DRP2: variants seen among roughly 807,000 people sequenced by gnomAD.
DRP2 encodes dystrophin-related protein 2.
DRP2 carries 29 observed loss-of-function variants against 78.2 expected under a neutral mutation model. The observed-to-expected ratio is 0.37, with a 90% CI of 0.28 to 0.51. The LOEUF is 0.51. Among genes scored for constraint, DRP2 ranks in the 20% least tolerant of loss-of-function variants. The probability of loss-of-function intolerance (pLI) is 0.94; values close to 1 mark genes in which losing one functional copy is unlikely to be tolerated. For synonymous variants in DRP2, 290 were observed against 281.9 expected, an observed-to-expected ratio of 1.03 and a Z score of -0.29; for missense variants, 686 against 770.6, an observed-to-expected ratio of 0.89 and a Z score of 1.30.
In DRP2 at chrX:101,254,356, A is replaced by G. The variant is rs1679866377; in HGVS notation, c.1978-69A>G. ...CCCAGCAGGCTGTCTGCTCTAGCAGAGCAGCCACACCTGCCCAGTATATCT... is the reference window on the plus strand; with the variant it reads ...CCCAGCAGGCTGTCTGCTCTAGCAGGGCAGCCACACCTGCCCAGTATATCT... On this transcript the variant is annotated intron_variant, in intron 17 of 23. Transcript: ENST00000395209. 4 of 1,169,106 alleles carry G rather than the reference A, an allele frequency of 3.4e-6. No homozygotes were observed. The South Asian group carries it at 5.7e-5, about 17-fold the overall frequency.
In DRP2 at chrX:101,245,097, A is replaced by C. The variant is rs749562222; in HGVS notation, c.1115+20A>C. ...CATCAAGTGAGTGACCATCTGAATC[A>C]GAAGCGGGTCAGTCACCTGCCCACC... On this transcript the variant is annotated intron_variant, in intron 10 of 23. Coordinates refer to ENST00000395209, the MANE Select transcript of DRP2 (RefSeq NM_001939.3). The C allele has an allele frequency of 5.8e-6, 7 of 1,199,604 alleles. No homozygotes were observed. Among genetic ancestry groups the C allele is most frequent in the Non-Finnish European group, 7.9e-6 (7 of 887,014 alleles).
At chrX:101,245,323 C>A in intron 10 of DRP2, 65 bp from the exon 11 acceptor site, 1 of 1,059,730 alleles carries the variant, frequency 9.4e-7, no homozygotes, top group Non-Finnish European at 1.3e-6. Flanking sequence ...GAGTGGTGTG[C>A]ACATCTGAGT....
intron 1 of DRP2, among the ~76,000 whole-genome samples, chrX:101,224,191 GTTTTTTTTTTTTT>G (rs1167730116): frequency 1.0e-4 from 4 of 38,868 alleles, no homozygotes; most frequent in Non-Finnish European, 1.6e-4. Flanking sequence ...GGTTTTTTTT[GTTTTTTTTTTTTT>G]TTTTTTTTTT....
rs772405952 is a variant in DRP2 at position 101,235,898 on chromosome X, T to C, written c.156T>C (p.Asp52=). The change falls in exon 4 of 24, where the codon GAT becomes GAC. Residue 52 remains aspartate (D), a synonymous_variant. Transcript: ENST00000395209. ...AAVTSPAPPQ[D]GAGVPCLSLK... ...TCACCAGCCCTGCACCTCCTCAAGA[T>C]GGTGCTGGGGTTCCCTGCCTAAGCC... 6.6e-6 allele frequency: 8 copies of C among 1,209,798 alleles called. No homozygotes were observed. The Admixed American group carries it at 1.1e-4, about 16-fold the overall frequency.
chrX:101,234,539 C>T (rs1922418531), intron 3 of DRP2, among the ~76,000 whole-genome samples: 1 of 112,839 alleles, frequency 8.9e-6, no homozygotes, highest in African/African-American at 3.2e-5. Context: ...CCTGGCTCAG[C>T]CCCTCCTGCC....
chrX:101,250,863 G>A, intron 15 of DRP2, 54 bp from the exon 16 acceptor site: 2 of 1,185,209 alleles, frequency 1.7e-6, no homozygotes, highest in Middle Eastern at 2.5e-4. Context: ...TGCCATTCTA[G>A]GGATAAGACA....
intron 1 of DRP2, among the ~76,000 whole-genome samples, chrX:101,224,220 T>TTTTC (rs1569507531): frequency 1.2e-5 from 1 of 83,995 alleles, no homozygotes; most frequent in African/African-American, 4.6e-5. Context: ...TTTTTTTTTT[T>TTTTC]TGAGATGGAG....
chrX:101,256,546 T>G (rs1031931463), intron 21 of DRP2, among the ~76,000 whole-genome samples: 8 of 75,566 alleles, frequency 1.1e-4, no homozygotes, highest in African/African-American at 3.1e-4. Flanking sequence ...ATTTGAAAAC[T>G]TTTAAATTTT....
chrX:101,223,030 G>A (rs778358842), intron 1 of DRP2, among the ~76,000 whole-genome samples: 10 of 110,960 alleles, frequency 9.0e-5, no homozygotes, highest in Non-Finnish European at 1.1e-4. Flanking sequence ...TTTTCTCCCC[G>A]CCAAGAGACG....
At chrX:101,250,749 C>A (rs778765283) in intron 15 of DRP2, among the ~76,000 whole-genome samples, 168 bp from the exon 16 acceptor site, 1 of 111,644 alleles carries the variant, frequency 9.0e-6, no homozygotes, top group Non-Finnish European at 1.9e-5. Context: ...GAATCATAGT[C>A]CTGTTAGGGA....
intron 17 of DRP2, 96 bp downstream of exon 17, chrX:101,252,812 TC>T: frequency 1.6e-6 from 1 of 640,995 alleles, no homozygotes; most frequent in Admixed American, 3.3e-5. Context: ...TTTTCTGCTC[TC>T]CCGTGGGGAG....
At chrX:101,247,605 G>A (rs1922975809) in intron 12 of DRP2, among the ~76,000 whole-genome samples, 1 of 111,649 alleles carries the variant, frequency 9.0e-6, no homozygotes, top group Non-Finnish European at 1.9e-5. Flanking sequence ...TCCTGGCTCA[G>A]GCATGTCTGG....
intron 3 of DRP2, among the ~76,000 whole-genome samples, chrX:101,235,121 C>A (rs993039410): frequency 4.5e-5 from 5 of 111,565 alleles, no homozygotes; most frequent in Non-Finnish European, 9.4e-5. Flanking sequence ...CAATTACCCC[C>A]ATAGGGCCTT....
chrX:101,260,033 C>T lies in DRP2; in HGVS notation c.2629-16C>T. Reference sequence around the variant, plus strand: ...GGAAGGCAAATCCACTTAAGTCATGCCTTACCTCTTGCTAGCCACCCACCG... The same window carrying T: ...GGAAGGCAAATCCACTTAAGTCATGTCTTACCTCTTGCTAGCCACCCACCG... On this transcript the variant is annotated splice_polypyrimidine_tract_variant and intron_variant, in intron 22 of 23. Transcript: ENST00000395209. The T allele has an allele frequency of 8.3e-7, 1 of 1,210,810 alleles. No individual in the cohort carries two copies. The highest frequency in any genetic ancestry group is 1.1e-6 in the Non-Finnish European group (1 of 895,076).
intron 5 of DRP2, among the ~76,000 whole-genome samples, chrX:101,238,654 A>G (rs765351676): frequency 1.8e-5 from 2 of 111,706 alleles, no homozygotes; most frequent in South Asian, 3.8e-4. Context: ...TAATTTTAAT[A>G]TAAATCCTGC....
At chrX:101,244,452 G>A (rs1305515293) in intron 9 of DRP2, among the ~76,000 whole-genome samples, 1 of 111,826 alleles carries the variant, frequency 8.9e-6, no homozygotes, top group Non-Finnish European at 1.9e-5. Context: ...GAGGAAAACT[G>A]CAGTGAGCAA....
Position 101,248,057 on chromosome X carries a change from A to T in DRP2, c.1253-32A>T, listed in dbSNP as rs372674322. The T allele has an allele frequency of 2.2e-5, 26 of 1,182,625 alleles. No homozygotes were observed. In the African/African-American group the frequency reaches 3.7e-4, roughly 17 times the overall value. On this transcript the variant is annotated intron_variant, in intron 12 of 23. Coordinates refer to ENST00000395209, the MANE Select transcript of DRP2 (RefSeq NM_001939.3). ...TCCCTGGGGTTCTACTTTTGGCTAT[A>T]TTTTTTTTCTCTTCTCTTCTTTCCT... is the stretch of plus-strand genomic sequence containing the variant.
rs776291880 is a variant in DRP2 at position 101,239,019 on chromosome X, C to T, written c.477C>T (p.Ile159=). 2 of 1,211,270 alleles carry T rather than the reference C, an allele frequency of 1.7e-6. No individual in the cohort carries two copies. The highest frequency in any genetic ancestry group is 1.1e-6 in the Non-Finnish European group (1 of 895,269). The change falls in exon 6 of 24, where the codon ATC becomes ATT. Residue 159 remains isoleucine, a synonymous_variant. Coordinates refer to ENST00000395209, the MANE Select transcript of DRP2 (RefSeq NM_001939.3). ...MEEVKSRGPY[I]YSVLESAQAF... ...AAGTCAAGTCTCGGGGCCCCTACAT[C>T]TATTCTGTGCTGGAGTCAGCTCAGG...
intron 22 of DRP2, 82 bp from the exon 23 acceptor site, chrX:101,259,967 C>A: frequency 8.7e-7 from 1 of 1,146,152 alleles, no homozygotes; most frequent in African/African-American, 1.8e-5. Flanking sequence ...TGAAGTCTCT[C>A]AGGTCCCTTC....
Sources: allele counts gnomAD v4.1 joint callset (sites outside exome capture counted in the v4.1 genomes callset), GRCh38; gene constraint gnomAD v4.1.1; transcripts MANE v1.5; gene names NCBI Gene and HGNC (gene_info 2026-07-23, HGNC 2026-07-21).